Variants in PPP1R14C observed in about 807,000 individuals in gnomAD.
The protein encoded by PPP1R14C is protein phosphatase 1 regulatory subunit 14C.
Under a neutral mutation model 20.4 loss-of-function variants are expected in PPP1R14C, and 16 were observed. The observed-to-expected ratio is 0.78, with a 90% CI of 0.53 to 1.19. The LOEUF (loss-of-function observed/expected upper bound fraction) is 1.19. Ranked by LOEUF, PPP1R14C falls within the 50% of genes most tolerant of loss-of-function variation. The pLI, the probability that PPP1R14C is intolerant of heterozygous loss-of-function variation, is 0.00. For synonymous variants in PPP1R14C, 91 were observed against 91.0 expected, an observed-to-expected ratio of 1.00 and a Z score of 0.00; for missense variants, 211 against 220.1, an observed-to-expected ratio of 0.96 and a Z score of 0.26.
At chr6:150,196,638 C>T (rs968695701) in intron 1 of PPP1R14C, among the ~76,000 whole-genome samples, 10 of 152,110 alleles carry the variant, frequency 6.6e-5, no homozygotes, top group African/African-American at 2.4e-4. Context: ...TAGTATTTGC[C>T]ACCGTTTTTC....
chr6:150,183,544 C>G (rs1003237903), intron 1 of PPP1R14C, among the ~76,000 whole-genome samples: 4 of 151,736 alleles, frequency 2.6e-5, no homozygotes, highest in Non-Finnish European at 5.9e-5. Context: ...CGCAGTCTCA[C>G]TCTGTCACCC....
chr6:150,171,872 C>T (rs1463098362), intron 1 of PPP1R14C, among the ~76,000 whole-genome samples: 3 of 152,110 alleles, frequency 2.0e-5, no homozygotes, highest in African/African-American at 7.2e-5. Context: ...GTGGTGCGGT[C>T]TTGGCTCACC....
chr6:150,245,582 T>C (rs1778481851), intron 3 of PPP1R14C, among the ~76,000 whole-genome samples: 1 of 152,234 alleles, frequency 6.6e-6, no homozygotes, highest in Non-Finnish European at 1.5e-5. Flanking sequence ...CCCTCTCTGT[T>C]AATTCGTCTT....
chr6:150,157,273 C>T (rs938556450), intron 1 of PPP1R14C, among the ~76,000 whole-genome samples: 2 of 152,184 alleles, frequency 1.3e-5, no homozygotes, highest in African/African-American at 4.8e-5. Context: ...GTGGTCTATA[C>T]AGGAGGGGTG....
At chr6:150,179,229 G>T (rs1777594447) in intron 1 of PPP1R14C, among the ~76,000 whole-genome samples, 1 of 152,096 alleles carries the variant, frequency 6.6e-6, no homozygotes, top group Non-Finnish European at 1.5e-5. Context: ...AACATAGCAA[G>T]ACCCTATCTC....
At chr6:150,160,175 G>T (rs1303088316) in intron 1 of PPP1R14C, among the ~76,000 whole-genome samples, 3 of 151,124 alleles carry the variant, frequency 2.0e-5, no homozygotes, top group Non-Finnish European at 4.4e-5. Flanking sequence ...GATACTGTCT[G>T]TCAGGCTTCT....
intron 1 of PPP1R14C, chr6:150,194,976 A>G: frequency 1.0e-6 from 1 of 985,286 alleles, no homozygotes; most frequent in Non-Finnish European, 1.2e-6. Context: ...AAAGTTATAA[A>G]AAGAATATGT....
chr6:150,159,566 CTCCTTCCAATA>C (rs1426913143), intron 1 of PPP1R14C, among the ~76,000 whole-genome samples: 1 of 152,146 alleles, frequency 6.6e-6, no homozygotes, highest in Non-Finnish European at 1.5e-5. Flanking sequence ...CCTTCTGTCC[CTCCTTCCAATA>C]TCCACCCACC....
chr6:150,205,493 A>G (rs1777936776), intron 1 of PPP1R14C, among the ~76,000 whole-genome samples: 1 of 152,162 alleles, frequency 6.6e-6, no homozygotes, highest in Non-Finnish European at 1.5e-5. Context: ...TGAGGTTTGG[A>G]TCAGCAGTGA....
At chr6:150,159,975 C>T (rs1249494299) in intron 1 of PPP1R14C, among the ~76,000 whole-genome samples, 1 of 152,088 alleles carries the variant, frequency 6.6e-6, no homozygotes, top group African/African-American at 2.4e-5. Context: ...TTGTGGAGTA[C>T]TTTTTAGGTA....
rs1175542765 is a variant in PPP1R14C, at chr6:150,149,589, C to T, written c.306+6091C>T. Among the ~76,000 whole-genome samples, 4 of 151,452 alleles carry T rather than the reference C, an allele frequency of 2.6e-5. No homozygotes were observed. In the South Asian group the frequency reaches 6.3e-4, roughly 24 times the overall value. On this transcript the variant is annotated intron_variant, in intron 1 of 3. Transcript: ENST00000361131. Reference sequence around the variant, plus strand: ...TTGGGATTACAGGTGTGAGCCACTGCGCCCGGCTACTTTCTCTGTATGTTG... The same window carrying T: ...TTGGGATTACAGGTGTGAGCCACTGTGCCCGGCTACTTTCTCTGTATGTTG...
At chr6:150,194,159 G>A (rs560765825) in intron 1 of PPP1R14C, among the ~76,000 whole-genome samples, 11 of 152,226 alleles carry the variant, frequency 7.2e-5, no homozygotes, top group Non-Finnish European at 8.8e-5. Flanking sequence ...GGAACTGTGA[G>A]TTCATTAAAC....
chr6:150,144,136 T>G (rs1210345581), intron 1 of PPP1R14C, among the ~76,000 whole-genome samples: 6 of 152,208 alleles, frequency 3.9e-5, no homozygotes, highest in African/African-American at 1.4e-4. Context: ...AAGCCGTAGT[T>G]TTTCCTCTCT....
At chr6:150,228,880 G>A (rs183548227) in intron 3 of PPP1R14C, among the ~76,000 whole-genome samples, 1 of 152,164 alleles carries the variant, frequency 6.6e-6, no homozygotes, top group African/African-American at 2.4e-5. Flanking sequence ...AGCCACGTGG[G>A]CCTTGCTTTT....
Position 150,165,441 on chromosome 6 carries a change from T to C in PPP1R14C, c.306+21943T>C, listed in dbSNP as rs577885230. Among the ~76,000 whole-genome samples, 3 of 152,372 alleles carry C rather than the reference T, an allele frequency of 2.0e-5. No individual in the cohort carries two copies. The East Asian group carries it at 5.8e-4, about 29-fold the overall frequency. ...ATGTTTCTGGACCAGTTCTGCTGGC[T>C]AAAGTCCTTGGGGAAGGCTGGTTGA... On this transcript the variant is annotated intron_variant, in intron 1 of 3. Transcript: ENST00000361131.
At chr6:150,166,559 T>G (rs1437579978) in intron 1 of PPP1R14C, among the ~76,000 whole-genome samples, 1 of 152,154 alleles carries the variant, frequency 6.6e-6, no homozygotes, top group African/African-American at 2.4e-5. Context: ...ATCCCCAAAC[T>G]GGGGCCAGCT....
intron 3 of PPP1R14C, among the ~76,000 whole-genome samples, chr6:150,244,512 C>T (rs1582937065): frequency 6.6e-6 from 1 of 152,266 alleles, no homozygotes; most frequent in South Asian, 2.1e-4. Context: ...CCTAGTCCTG[C>T]AATTTAAAGC....
At chr6:150,222,122 T>C (rs1174316895) in intron 3 of PPP1R14C, among the ~76,000 whole-genome samples, 2 of 127,344 alleles carry the variant, frequency 1.6e-5, no homozygotes, top group African/African-American at 3.9e-5. Flanking sequence ...TTAGTGGTGG[T>C]AACGATAGCA....
At chr6:150,166,358 G>C (rs1777422565) in intron 1 of PPP1R14C, among the ~76,000 whole-genome samples, 1 of 152,136 alleles carries the variant, frequency 6.6e-6, no homozygotes, top group South Asian at 2.1e-4. Context: ...GGGATTACAG[G>C]CCTGAGCCAC....
Sources: gnomAD v4.1 joint callset for allele counts (sites outside exome capture counted in the v4.1 genomes callset) on GRCh38, gnomAD v4.1.1 for gene constraint, MANE v1.5 for transcripts, NCBI Gene and HGNC (gene_info 2026-07-23, HGNC 2026-07-21) for gene names.